The following CASD1 variants were observed in gnomAD, a reference collection of about 807,000 sequenced individuals.
The protein encoded by CASD1 is CAS1 domain sialic acid O acetyltransferase 1, also known as N-acetylneuraminate (7)9-O-acetyltransferase.
A neutral mutation model predicts 100.0 loss-of-function variants in CASD1; 41 were observed. The observed-to-expected ratio is 0.41, with a 90% CI of 0.32 to 0.53. The LOEUF (loss-of-function observed/expected upper bound fraction) is 0.53. Ranked by LOEUF, CASD1 falls within the 20% of genes least tolerant of loss-of-function variation. The pLI is 0.25. For synonymous variants in CASD1, 321 were observed against 315.6 expected (o/e 1.02, Z -0.18); for missense variants, 774 against 948.7 (o/e 0.82, Z 2.42).
In CASD1 at chr7:94,551,419, C is replaced by A; in HGVS notation, c.1897C>A (p.Pro633Thr). ...AATACTTTCTGAAGGAAAGGGTGAA[C>A]CTCTTTTTTCAAACAAAATTTCAAA... ...RQILSEGKGE[P>T]LFSNKISNFL... The change falls in exon 15 of 18, where the codon CCT (proline) becomes ACT (threonine). Residue 633 changes from proline (P) to threonine (T), a missense_variant. Pro to Thr is a conservative substitution (Grantham distance 38, BLOSUM62 -1). Coordinates refer to ENST00000297273, the MANE Select transcript of CASD1 (RefSeq NM_022900.5). 1 of 1,535,952 alleles carries A rather than the reference C, an allele frequency of 6.5e-7. No individual in the cohort carries two copies. The highest frequency in any genetic ancestry group is 8.7e-7 in the Non-Finnish European group (1 of 1,149,186).
At chr7:94,603,195 G>A in the CASD1 span, 9 of 956,708 alleles carry the variant, frequency 9.4e-6, no homozygotes, top group Admixed American at 2.2e-5. Context: ...AGTAAACCTA[G>A]GATTTATTCC....
Position 94,554,629 on chromosome 7 carries a change from G to A in CASD1, c.2127+54G>A, listed in dbSNP as rs117211551. ...ACACAGCCAGGTGTTTCATGTTTGT[G>A]TATGTACGTGTGTGTGTGTAAATAT... On this transcript the variant is annotated intron_variant, in intron 17 of 17. Transcript: ENST00000297273. 7.0e-4 allele frequency: 789 copies of A among 1,127,348 alleles called. 9 individuals are homozygous for A. The East Asian group carries it at 0.016, about 22-fold the overall frequency. The allele number at this position is 1,127,348 out of a possible 1,614,324, so 69.8% of individuals were successfully genotyped here. A position where few individuals can be genotyped will look rare whatever the true frequency, so the allele number is the denominator to read the frequency against.
At chr7:94,528,097 G>T in intron 4 of CASD1, 91 bp from the exon 5 acceptor site, 2 of 879,194 alleles carry the variant, frequency 2.3e-6, no homozygotes, top group Non-Finnish European at 3.7e-6. Context: ...TTACTTTTAA[G>T]TACTCTGTAA....
the CASD1 span, chr7:94,624,549 A>G: frequency 4.1e-6 from 1 of 244,688 alleles, no homozygotes; most frequent in Non-Finnish European, 7.7e-6. Flanking sequence ...CTGTTGGGAC[A>G]CATGATCAAT....
intron 1 of CASD1, among the ~76,000 whole-genome samples, chr7:94,511,485 T>C (rs944061950): frequency 2.0e-5 from 3 of 152,186 alleles, no homozygotes; most frequent in African/African-American, 7.2e-5. Context: ...AAAATTAGAT[T>C]CTTTATAACC....
intron 3 of CASD1, among the ~76,000 whole-genome samples, chr7:94,520,889 C>T (rs567684260): frequency 3.6e-4 from 55 of 151,828 alleles, no homozygotes; most frequent in African/African-American, 1.3e-3. Context: ...GTCAGGAGAT[C>T]GAGACCATCC....
chr7:94,572,869 A>G, the CASD1 span, among the ~76,000 whole-genome samples: 1 of 152,230 alleles, frequency 6.6e-6, no homozygotes, highest in Non-Finnish European at 1.5e-5. Flanking sequence ...TTGGGGTTTT[A>G]TATTTAAGCC....
chr7:94,530,309 C>T (rs375408091), intron 5 of CASD1, among the ~76,000 whole-genome samples: 1 of 152,246 alleles, frequency 6.6e-6, no homozygotes, highest in African/African-American at 2.4e-5. Flanking sequence ...TTCAGGGACT[C>T]TCCAGCAGTT....
chr7:94,585,217 C>T, the CASD1 span: 1 of 361,050 alleles, frequency 2.8e-6, no homozygotes, highest in African/African-American at 2.1e-5. Flanking sequence ...GTAAATTTCA[C>T]CAGTCATTAG....
the CASD1 span, chr7:94,588,088 T>C: frequency 2.4e-6 from 3 of 1,229,878 alleles, no homozygotes; most frequent in East Asian, 1.1e-4. Flanking sequence ...CTACTCAGTA[T>C]AGAGATGAAT....
intron 2 of CASD1, 99 bp from the exon 3 acceptor site, chr7:94,518,104 G>A: frequency 8.3e-7 from 1 of 1,206,264 alleles, no homozygotes; most frequent in South Asian, 1.7e-5. Context: ...AATGGTATGT[G>A]TAACAATCTG....
At chr7:94,593,887 T>G in the CASD1 span, among the ~76,000 whole-genome samples, 1 of 152,106 alleles carries the variant, frequency 6.6e-6, no homozygotes, top group East Asian at 1.9e-4. Context: ...TTAAGTCTTT[T>G]GATTATTAAG....
intron 13 of CASD1, among the ~76,000 whole-genome samples, chr7:94,547,782 G>C (rs764119844): frequency 1.3e-5 from 2 of 151,752 alleles, no homozygotes; most frequent in Non-Finnish European, 3.0e-5. Flanking sequence ...TGGGCAGCAT[G>C]ATATTTATAA....
chr7:94,628,820 T>C, the CASD1 span: 235 of 168,306 alleles, frequency 1.4e-3, no homozygotes, highest in Non-Finnish European at 2.6e-3. Context: ...GAGGATAGGA[T>C]GAAAAAGACG....
chr7:94,553,549 T>C (rs1053301368), intron 16 of CASD1, among the ~76,000 whole-genome samples: 2 of 152,164 alleles, frequency 1.3e-5, no homozygotes, highest in Non-Finnish European at 2.9e-5. Context: ...TATGAGTTTT[T>C]CCCTGAAGTG....
the CASD1 span, among the ~76,000 whole-genome samples, chr7:94,568,195 A>T: frequency 1.3e-5 from 2 of 152,204 alleles, no homozygotes; most frequent in African/African-American, 4.8e-5. Flanking sequence ...ATAGCTAGTG[A>T]TACAGAGTAA....
the CASD1 span, among the ~76,000 whole-genome samples, chr7:94,601,879 A>T: frequency 6.6e-6 from 1 of 152,044 alleles, no homozygotes; most frequent in Non-Finnish European, 1.5e-5. Context: ...CATTTCTTTT[A>T]TATTTTATTT....
chr7:94,561,578 G>A (rs10228862), downstream of CASD1, among the ~76,000 whole-genome samples: 63,911 of 151,788 alleles, frequency 0.42, 14,265 homozygotes, highest in South Asian at 0.52. Flanking sequence ...TGGCCCATCT[G>A]TCTGTGTGAG....
At chr7:94,592,281 A>G in the CASD1 span, among the ~76,000 whole-genome samples, 1 of 152,214 alleles carries the variant, frequency 6.6e-6, no homozygotes, top group Non-Finnish European at 1.5e-5. Context: ...AATGCCTTCA[A>G]TCCCAACTCT....
Sources: allele counts gnomAD v4.1 joint callset (sites outside exome capture counted in the v4.1 genomes callset), GRCh38; gene constraint gnomAD v4.1.1; transcripts MANE v1.5; gene names NCBI Gene and HGNC (gene_info 2026-07-23, HGNC 2026-07-21).